The following ATAD3A variants were observed in gnomAD, a reference collection of about 807,000 sequenced individuals.
The protein encoded by ATAD3A is ATPase family AAA domain containing 3A.
A neutral mutation model predicts 73.8 loss-of-function variants in ATAD3A; 46 were observed. The ratio of observed to expected loss-of-function variants is 0.62; its 90% CI spans 0.49 to 0.80. The LOEUF (loss-of-function observed/expected upper bound fraction) is 0.80. Ranked by LOEUF, ATAD3A falls within the 30% of genes least tolerant of loss-of-function variation. ATAD3A has a pLI of 0.00. For missense variants in ATAD3A, 705 were observed against 838.0 expected, an observed-to-expected ratio of 0.84 and a Z score of 1.96; for synonymous variants, 319 against 350.0, an observed-to-expected ratio of 0.91 and a Z score of 0.99.
intron 10 of ATAD3A, 121 bp from the exon 11 acceptor site, chr1:1,524,151 TG>T: frequency 6.5e-7 from 1 of 1,546,986 alleles, no homozygotes; most frequent in East Asian, 2.3e-5. Flanking sequence ...GTCTCCTGTC[TG>T]GCAGGCTGTG....
chr1:1,529,616 G>A (rs1200271821), intron 15 of ATAD3A, among the ~76,000 whole-genome samples: 1 of 152,256 alleles, frequency 6.6e-6, no homozygotes, highest in African/African-American at 2.4e-5. Context: ...TTTGCCAGGT[G>A]GGGCTGGAGG....
intron 15 of ATAD3A, among the ~76,000 whole-genome samples, chr1:1,530,521 G>T (rs1414203374): frequency 6.7e-6 from 1 of 149,336 alleles, no homozygotes. Context: ...TACAGAGCAA[G>T]ACCCTGTCTT....
At position 1,522,728 on chromosome 1, in the gene ATAD3A, G is replaced by C. The variant is rs370859607; in HGVS notation, c.751-16G>C. ...ACGGTGGGGGCCGGTGCGCCAGTGCGGTGTCTCTGCTGCAGGTGGCTGGGC... is the reference window on the plus strand; with the variant it reads ...ACGGTGGGGGCCGGTGCGCCAGTGCCGTGTCTCTGCTGCAGGTGGCTGGGC... On this transcript the variant is annotated splice_polypyrimidine_tract_variant and intron_variant, in intron 7 of 15. Coordinates refer to ENST00000378756, the MANE Select transcript of ATAD3A (RefSeq NM_001170535.3). The C allele has an allele frequency of 3.7e-6, 6 of 1,611,778 alleles. No homozygotes were observed. The highest frequency in any genetic ancestry group is 4.5e-5 in the East Asian group (2 of 44,866).
chr1:1,522,420 C>A (rs897269475), intron 7 of ATAD3A, among the ~76,000 whole-genome samples: 4 of 152,182 alleles, frequency 2.6e-5, no homozygotes, highest in African/African-American at 9.7e-5. Context: ...TTTTAGTGGC[C>A]AAGAATGTAC....
At chr1:1,525,825 C>T (rs748102085) in intron 12 of ATAD3A, among the ~76,000 whole-genome samples, 30 of 152,290 alleles carry the variant, frequency 2.0e-4, no homozygotes, top group Non-Finnish European at 3.7e-4. Flanking sequence ...CCTGCCTCAG[C>T]CGCCTGAGTA....
At chr1:1,517,674 C>G (rs1182425095) in intron 3 of ATAD3A, 42 bp from the exon 4 acceptor site, 9 of 1,118,398 alleles carry the variant, frequency 8.0e-6, no homozygotes, top group Admixed American at 2.0e-5. Context: ...CAGACTGCAG[C>G]TCCCGGCTGA....
rs767831894 is a variant in ATAD3A, at chr1:1,525,269, C to T, written c.1244C>T (p.Ala415Val). Residue 415 changes from alanine (A) to valine (V), a missense_variant, in exon 12 of 16, where the codon GCC (alanine) becomes GTC (valine). Physicochemically the swap from Ala to Val is moderately conservative, Grantham distance 64 (BLOSUM62 0). Coordinates refer to ENST00000378756, the MANE Select transcript of ATAD3A (RefSeq NM_001170535.3). ...CTGCTCTTTGTGGATGAAGCGGACG[C>T]CTTCCTTCGGAAGCGAGCCACCGTG... ...GLLLFVDEAD[A>V]FLRKRATEKI... 1 of 1,613,852 alleles carries T rather than the reference C, an allele frequency of 6.2e-7. No individual in the cohort carries two copies. The highest frequency in any genetic ancestry group is 1.3e-5 in the African/African-American group (1 of 74,904).
chr1:1,532,815 G>T (rs985022455), intron 15 of ATAD3A, among the ~76,000 whole-genome samples: 4 of 152,016 alleles, frequency 2.6e-5, no homozygotes, highest in African/African-American at 9.7e-5. Context: ...GCTCTGGTCA[G>T]TGTCTCCTGC....
chr1:1,533,722 G>A (rs1290612786), intron 15 of ATAD3A, among the ~76,000 whole-genome samples: 1 of 151,658 alleles, frequency 6.6e-6, no homozygotes, highest in Non-Finnish European at 1.5e-5. Flanking sequence ...TGCTGAGGAC[G>A]CAGGCAGGGC....
At position 1,519,027 on chromosome 1, in the gene ATAD3A, C is replaced by T. The variant is rs374134660; in HGVS notation, c.514+37C>T. On this transcript the variant is annotated intron_variant, in intron 5 of 15. Coordinates refer to ENST00000378756, the MANE Select transcript of ATAD3A (RefSeq NM_001170535.3). Reference sequence around the variant, plus strand: ...GCTCTCCTGGCTGGGGCGGAGGTGGCGGGGGCTGCTTGTGGACCCGGCGTG... The same window carrying T: ...GCTCTCCTGGCTGGGGCGGAGGTGGTGGGGGCTGCTTGTGGACCCGGCGTG... 50 of 1,613,690 alleles carry T rather than the reference C, an allele frequency of 3.1e-5. No homozygotes were observed. In the African/African-American group the frequency reaches 3.7e-4, roughly 12 times the overall value.
intron 12 of ATAD3A, among the ~76,000 whole-genome samples, chr1:1,525,795 T>C (rs556371248): frequency 6.6e-6 from 1 of 152,082 alleles, no homozygotes; most frequent in Non-Finnish European, 1.5e-5. Context: ...TGCCTCGACC[T>C]CTGGAGCTCA....
chr1:1,514,244 A>C (rs1339472857), intron 1 of ATAD3A, among the ~76,000 whole-genome samples: 1 of 151,714 alleles, frequency 6.6e-6, no homozygotes, highest in Non-Finnish European at 1.5e-5. Context: ...CAGGGGAGGG[A>C]GTGGCCTCAG....
intron 13 of ATAD3A, chr1:1,527,040 T>C (rs1015439840): frequency 3.4e-5 from 19 of 557,966 alleles, no homozygotes; most frequent in Non-Finnish European, 3.4e-5. Flanking sequence ...CCCGACTTTG[T>C]GTGGCCTCTG....
At chr1:1,516,910 C>G (rs1271634118) in intron 2 of ATAD3A, among the ~76,000 whole-genome samples, 1 of 152,116 alleles carries the variant, frequency 6.6e-6, no homozygotes. Context: ...TGGGGTTTCA[C>G]CATGTTGTTC....
At chr1:1,529,857 C>G (rs771388451) in intron 15 of ATAD3A, among the ~76,000 whole-genome samples, 1 of 152,202 alleles carries the variant, frequency 6.6e-6, no homozygotes, top group Non-Finnish European at 1.5e-5. Flanking sequence ...GGCTGAGGAG[C>G]CAGGACTCAC....
At chr1:1,529,033 C>T (rs1387046095) in intron 14 of ATAD3A, among the ~76,000 whole-genome samples, 190 bp from the exon 15 acceptor site, 2 of 152,244 alleles carry the variant, frequency 1.3e-5, no homozygotes, top group Non-Finnish European at 2.9e-5. Flanking sequence ...CCAGGCCCTG[C>T]AGCCACTCCC....
intron 13 of ATAD3A, among the ~76,000 whole-genome samples, chr1:1,527,470 C>G (rs1008468478): frequency 1.3e-5 from 2 of 152,328 alleles, no homozygotes; most frequent in African/African-American, 4.8e-5. Flanking sequence ...TCAGGCTGGG[C>G]GAGGGTCAGC....
At position 1,534,130 on chromosome 1, in the gene ATAD3A, C is replaced by G. The variant is rs1001871589; in HGVS notation, c.*58C>G. 2.1e-5 allele frequency: 34 copies of G among 1,608,716 alleles called. No homozygotes were observed. The African/African-American group carries it at 4.6e-4, about 22-fold the overall frequency. The stretch of plus-strand genomic sequence containing the variant: ...GGCCGCGGACCCCTCCCACCCCTGC[C>G]TTGCCGGCCCCTGCACATTTAGGAT... On this transcript the variant is annotated 3_prime_UTR_variant, in exon 16 of 16. Coordinates refer to ENST00000378756, the MANE Select transcript of ATAD3A (RefSeq NM_001170535.3).
intron 4 of ATAD3A, 24 bp from the exon 5 acceptor site, chr1:1,518,897 T>C: frequency 6.2e-7 from 1 of 1,614,100 alleles, no homozygotes; most frequent in Non-Finnish European, 8.5e-7. Flanking sequence ...AAGGCTTTTC[T>C]CTTTTTCTGC....
Sources: allele counts gnomAD v4.1 joint callset (sites outside exome capture counted in the v4.1 genomes callset), GRCh38; gene constraint gnomAD v4.1.1; transcripts MANE v1.5; gene names NCBI Gene and HGNC (gene_info 2026-07-23, HGNC 2026-07-21).